The following TMED10 variants were observed in gnomAD, a reference collection of about 807,000 sequenced individuals.
TMED10 encodes transmembrane emp24 domain-containing protein 10.
In TMED10, 7 loss-of-function variants were observed where a neutral mutation model predicts 23.1. The observed-to-expected ratio is 0.30, with a 90% CI of 0.17 to 0.57. TMED10 has a LOEUF of 0.57. Ranked by LOEUF, TMED10 falls within the 20% of genes least tolerant of loss-of-function variation. The pLI is 0.91. For synonymous variants in TMED10, 113 were observed against 106.9 expected, an observed-to-expected ratio of 1.06 and a Z score of -0.35; for missense variants, 162 against 274.8, an observed-to-expected ratio of 0.59 and a Z score of 2.90.
At chr14:75,162,153 T>C (rs112466320) in intron 1 of TMED10, among the ~76,000 whole-genome samples, 2,467 of 152,202 alleles carry the variant, frequency 0.016, 32 homozygotes, top group Middle Eastern at 0.031. Flanking sequence ...TAATTGCAGC[T>C]ACTCAGGAGG....
rs566876581 is a variant in TMED10, at chr14:75,134,951, A to G, written c.594T>C (p.Ile198=). Residue 198 remains isoleucine (I), a synonymous_variant, in exon 5 of 5, where the codon ATT becomes ATC. Transcript: ENST00000303575. The part of the protein sequence containing the change: ...YFSIFSMFCL[I]GLATWQVFYL... ...AGAAGACCTGCCAGGTAGCTAGTCC[A>G]ATGAGACAGAACATTGAAAAGATGC... 28 of 1,614,124 alleles carry G rather than the reference A, an allele frequency of 1.7e-5. No homozygotes were observed. The South Asian group carries it at 2.9e-4, about 16-fold the overall frequency.
chr14:75,150,141 G>T (rs1038101799), intron 2 of TMED10, among the ~76,000 whole-genome samples: 8 of 152,148 alleles, frequency 5.3e-5, no homozygotes, highest in Non-Finnish European at 1.2e-4. Flanking sequence ...AGACTGGAAA[G>T]ATTAACTCGA....
rs553813774 is a variant in TMED10 at position 75,159,386 on chromosome 14, T to C, written c.226-7243A>G. Among the ~76,000 whole-genome samples, 4 of 152,334 alleles carry C rather than the reference T, an allele frequency of 2.6e-5. No homozygotes were observed. In the South Asian group the frequency reaches 8.3e-4, roughly 32 times the overall value. On this transcript the variant is annotated intron_variant, in intron 1 of 4. Transcript: ENST00000303575. ...GGTAGAGGACAGCCTGGAATAAGCA[T>C]CAAGGTGAAAGTACTGAAAAGAGTC...
chr14:75,167,231 C>G (rs1045319656), intron 1 of TMED10, among the ~76,000 whole-genome samples: 1 of 152,108 alleles, frequency 6.6e-6, no homozygotes, highest in Non-Finnish European at 1.5e-5. Context: ...TGAGCCACCA[C>G]GCCCAGCCGA....
chr14:75,132,865 AAG>A lies in TMED10; in HGVS notation c.*2018_*2019del. On this transcript the variant is annotated 3_prime_UTR_variant, in exon 5 of 5. Transcript: ENST00000303575. ...CCCTGTAATAGTCAGCAGGGTTAAAAAGAGATTACGGAAAGGATAAACTCCTA... is the reference window on the plus strand; with the variant it reads ...CCCTGTAATAGTCAGCAGGGTTAAAAAGATTACGGAAAGGATAAACTCCTA... 6.6e-6 allele frequency: 1 copy of A among 152,596 alleles called. No individual in the cohort carries two copies. The highest frequency in any genetic ancestry group is 1.5e-5 in the Non-Finnish European group (1 of 68,040). 9.5% of individuals were successfully genotyped at this position (152,596 alleles called of 1,614,324 possible).
intron 1 of TMED10, among the ~76,000 whole-genome samples, chr14:75,155,252 G>T (rs1378539874): frequency 1.3e-5 from 2 of 152,132 alleles, no homozygotes; most frequent in South Asian, 2.1e-4. Context: ...GAGCCACCAC[G>T]CCCGGCCTAA....
chr14:75,136,445 C>T (rs1445059896), intron 3 of TMED10, among the ~76,000 whole-genome samples: 2 of 152,316 alleles, frequency 1.3e-5, no homozygotes, highest in East Asian at 3.9e-4. Context: ...AAGTGTGAGC[C>T]ACCATGCCCA....
chr14:75,171,783 G>T (rs1212373343), intron 1 of TMED10, among the ~76,000 whole-genome samples: 1 of 65,996 alleles, frequency 1.5e-5, no homozygotes, highest in Non-Finnish European at 3.6e-5. Context: ...TAAATCTGTG[G>T]TAATTTGTTA....
intron 1 of TMED10, 189 bp downstream of exon 1, chr14:75,176,166 G>T: frequency 4.5e-6 from 3 of 673,966 alleles, no homozygotes; most frequent in Non-Finnish European, 7.4e-6. Context: ...CCCAGGCGTT[G>T]GTGACCCGCC....
At position 75,133,911 on chromosome 14, in the gene TMED10, GA is replaced by G; in HGVS notation, c.*973del. 1.7e-5 allele frequency: 5 copies of G among 302,118 alleles called. No individual in the cohort carries two copies. The highest frequency in any genetic ancestry group is 5.4e-5 in the South Asian group (2 of 37,360). The allele number at this position is 302,118 out of a possible 1,614,324, so 18.7% of individuals were successfully genotyped here. ...CTAAATATATAAAACATTTTTAAAA[GA>G]AAAAAAGGAAGAAACTATTCATACA... On this transcript the variant is annotated 3_prime_UTR_variant, in exon 5 of 5. Transcript: ENST00000303575.
At chr14:75,147,809 G>T (rs1232378478) in intron 2 of TMED10, 72 bp from the exon 3 acceptor site, 7 of 1,302,594 alleles carry the variant, frequency 5.4e-6, no homozygotes, top group Non-Finnish European at 7.0e-6. Flanking sequence ...CCACCCGCCC[G>T]CCCTCCCTCT....
At chr14:75,146,890 A>G (rs1895888901) in intron 3 of TMED10, among the ~76,000 whole-genome samples, 1 of 147,426 alleles carries the variant, frequency 6.8e-6, no homozygotes, top group Non-Finnish European at 1.5e-5. Flanking sequence ...AAGACTAAAC[A>G]GCACTGAATC....
intron 1 of TMED10, among the ~76,000 whole-genome samples, chr14:75,158,463 G>A (rs1896047727): frequency 6.6e-6 from 1 of 152,142 alleles, no homozygotes; most frequent in South Asian, 2.1e-4. Flanking sequence ...GCGTAGCTGG[G>A]ACTACAGGTG....
chr14:75,166,236 G>A (rs1781195437), intron 1 of TMED10, among the ~76,000 whole-genome samples: 1 of 152,134 alleles, frequency 6.6e-6, no homozygotes, highest in South Asian at 2.1e-4. Context: ...CAATGAGGTT[G>A]GGAGCACAGG....
At chr14:75,163,927 T>C (rs1285735043) in intron 1 of TMED10, among the ~76,000 whole-genome samples, 2 of 152,114 alleles carry the variant, frequency 1.3e-5, no homozygotes, top group South Asian at 2.1e-4. Flanking sequence ...GCCCAGCTAC[T>C]GTGAAGATTA....
chr14:75,171,385 T>C (rs372210447), intron 1 of TMED10, among the ~76,000 whole-genome samples: 1 of 151,878 alleles, frequency 6.6e-6, no homozygotes, highest in African/African-American at 2.4e-5. Context: ...GTTCAAGCGA[T>C]TCCCCTGCCT....
intron 1 of TMED10, among the ~76,000 whole-genome samples, chr14:75,158,882 C>A (rs899367422): frequency 6.6e-6 from 1 of 152,042 alleles, no homozygotes; most frequent in Admixed American, 6.5e-5. Flanking sequence ...CGCGATCGCA[C>A]CATTGCGCTC....
At chr14:75,139,468 C>T (rs1329582572) in intron 3 of TMED10, among the ~76,000 whole-genome samples, 1 of 151,988 alleles carries the variant, frequency 6.6e-6, no homozygotes, top group East Asian at 1.9e-4. Context: ...GATTTTATTT[C>T]CTCAACAAAA....
chr14:75,134,854 T>TA lies in TMED10; in HGVS notation c.*30dup. On this transcript the variant is annotated 3_prime_UTR_variant, in exon 5 of 5. Transcript: ENST00000303575. Reference sequence around the variant, plus strand: ...CCCAGCGATGTTCTGCTGGCTGAGGTACAAGGTGGGAGGAGAATATGCCTC... The same window carrying TA: ...CCCAGCGATGTTCTGCTGGCTGAGGTAACAAGGTGGGAGGAGAATATGCCTC... 1.2e-6 allele frequency: 2 copies of TA among 1,612,644 alleles called. No individual in the cohort carries two copies. Among genetic ancestry groups the TA allele is most frequent in the Non-Finnish European group, 8.5e-7 (1 of 1,179,138 alleles).
Sources: gnomAD v4.1 joint callset for allele counts (sites outside exome capture counted in the v4.1 genomes callset) on GRCh38, gnomAD v4.1.1 for gene constraint, MANE v1.5 for transcripts, NCBI Gene and HGNC (gene_info 2026-07-23, HGNC 2026-07-21) for gene names.